The following PXDN variants were observed in gnomAD, a reference collection of about 807,000 sequenced individuals.
PXDN encodes the protein peroxidasin homolog.
A neutral mutation model predicts 140.3 loss-of-function variants in PXDN; 77 were observed. That is an observed-to-expected ratio of 0.55 (90% CI 0.46 to 0.66). The LOEUF (loss-of-function observed/expected upper bound fraction) is 0.66. Among genes scored for constraint, PXDN ranks in the 30% least tolerant of loss-of-function variants. The pLI is 0.00. For missense variants in PXDN, 1,838 were observed against 2,039.5 expected, an observed-to-expected ratio of 0.90 and a Z score of 1.90; for synonymous variants, 911 against 857.4, an observed-to-expected ratio of 1.06 and a Z score of -1.09.
rs1390544231 is a variant in PXDN at position 1,692,090 on chromosome 2, C to G, written c.273-91G>C. 3.2e-6 allele frequency: 3 copies of G among 928,394 alleles called. No homozygotes were observed. In the East Asian group the frequency reaches 8.0e-5, roughly 25 times the overall value. 57.5% of individuals were successfully genotyped at this position (928,394 alleles called of 1,614,324 possible). A position where few individuals can be genotyped will look rare whatever the true frequency, so the allele number is the denominator to read the frequency against. ...ACATTCCGACAGCCTTGGAAAAGGT[C>G]ACATTGACAATTCAGTTACAGCCTC... On this transcript the variant is annotated intron_variant, in intron 2 of 22. Transcript: ENST00000252804.
Position 1,651,942 on chromosome 2 carries a change from G to C in PXDN, c.2104+1686C>G, listed in dbSNP as rs2125413888. Among the ~76,000 whole-genome samples, 1 of 152,342 alleles carries C rather than the reference G, an allele frequency of 6.6e-6. No individual in the cohort carries two copies. Among genetic ancestry groups the C allele is most frequent in the East Asian group, 1.9e-4 (1 of 5,176 alleles). The stretch of plus-strand genomic sequence containing the variant: ...CCCAGGACAATGACTGGCATAGAGG[G>C]TGTGCCCTGACAGGCAGGTGGAACG... On this transcript the variant is annotated intron_variant, in intron 16 of 22. Transcript: ENST00000252804. The surrounding 1 kb of genome is among the most constrained non-coding windows in gnomAD (Gnocchi z 4.4).
Position 1,680,334 on chromosome 2 carries a change from C to A in PXDN, c.589G>T (p.Asp197Tyr). 1 of 1,614,026 alleles carries A rather than the reference C, an allele frequency of 6.2e-7. No individual in the cohort carries two copies. Among genetic ancestry groups the A allele is most frequent in the Non-Finnish European group, 8.5e-7 (1 of 1,179,888 alleles). ...TCCGCCAACCACAGGATTTCACAGT[C>A]GCAGTGAAGTGTGTTTGAGTCCAGT... ...LRLDSNTLHCDCEILWLADLL... is the reference protein window; with the variant it reads ...LRLDSNTLHCYCEILWLADLL... The change falls in exon 7 of 23, where the codon GAC becomes TAC. Residue 197 changes from aspartate (D) to tyrosine (Y), a missense_variant. Physicochemically the swap from Asp to Tyr is radical, Grantham distance 160. Coordinates refer to ENST00000252804, the MANE Select transcript of PXDN (RefSeq NM_012293.3).
chr2:1,731,357 C>T (rs965293747), intron 1 of PXDN, among the ~76,000 whole-genome samples: 1 of 85,230 alleles, frequency 1.2e-5, no homozygotes, highest in Non-Finnish European at 2.5e-5. Context: ...AGCTGACCTC[C>T]GCATCCCAGC....
chr2:1,671,736 T>C (rs1683582281), intron 9 of PXDN, among the ~76,000 whole-genome samples: 1 of 152,230 alleles, frequency 6.6e-6, no homozygotes, highest in South Asian at 2.1e-4. Context: ...CCTATTACTA[T>C]ATATTATTAC....
At chr2:1,733,748 C>CAAA (rs72208257) in intron 1 of PXDN, among the ~76,000 whole-genome samples, 32,496 of 78,664 alleles carry the variant, frequency 0.41, 7,634 homozygotes, top group Admixed American at 0.53. Context: ...TGTCAAATGA[C>CAAA]AAAAAAAAAA....
intron 1 of PXDN, among the ~76,000 whole-genome samples, chr2:1,730,883 G>A (rs937635434): frequency 1.3e-5 from 2 of 152,142 alleles, no homozygotes; most frequent in East Asian, 1.9e-4. Flanking sequence ...ATCACACTGG[G>A]CCATGATGCA....
Position 1,648,037 on chromosome 2 carries a change from T to G in PXDN, c.3608+135A>C. 1 of 1,274,600 alleles carries G rather than the reference T, an allele frequency of 7.8e-7. No homozygotes were observed. Among genetic ancestry groups the G allele is most frequent in the East Asian group, 2.3e-5 (1 of 42,886 alleles). The allele number at this position is 1,274,600 out of a possible 1,614,324, so 79.0% of individuals were successfully genotyped here. A position where few individuals can be genotyped will look rare whatever the true frequency, so the allele number is the denominator to read the frequency against. ...CTGCAGGTTCCCATCTTGACCTTCA[T>G]GGACTTGACCTTCATCTCACCTCTG... On this transcript the variant is annotated intron_variant, in intron 17 of 22. Coordinates refer to ENST00000252804, the MANE Select transcript of PXDN (RefSeq NM_012293.3). The surrounding 1 kb of genome is among the most constrained non-coding windows in gnomAD (Gnocchi z 8.9).
At chr2:1,727,766 T>G (rs1209566163) in intron 1 of PXDN, among the ~76,000 whole-genome samples, 1 of 152,212 alleles carries the variant, frequency 6.6e-6, no homozygotes, top group Non-Finnish European at 1.5e-5. Context: ...CAGCAGGGCC[T>G]CCACGTGGCG....
chr2:1,687,998 T>C lies in PXDN; in HGVS notation c.345-295A>G, dbSNP rs1177764784. ...GGCTAATGAATTGCTGACAATACAT[T>C]TGCTTCAAAGCCTGAAGAAGATAAA... On this transcript the variant is annotated intron_variant, in intron 3 of 22. Transcript: ENST00000252804. The surrounding 1 kb of genome is among the most constrained non-coding windows in gnomAD (Gnocchi z 4.0). Among the ~76,000 whole-genome samples the C allele has an allele frequency of 6.6e-6, 1 of 152,174 alleles. No individual in the cohort carries two copies. Among genetic ancestry groups the C allele is most frequent in the Non-Finnish European group, 1.5e-5 (1 of 68,032 alleles).
intron 11 of PXDN, chr2:1,664,317 G>T (rs575462415): frequency 6.4e-6 from 1 of 156,580 alleles, no homozygotes; most frequent in African/African-American, 2.4e-5. Context: ...ATGTCTCAGG[G>T]TCACTGCTTG....
chr2:1,709,679 C>G (rs11684180), intron 1 of PXDN, among the ~76,000 whole-genome samples: 60,897 of 152,166 alleles, frequency 0.4, 12,987 homozygotes, highest in Middle Eastern at 0.5. Flanking sequence ...CTGTCACCCC[C>G]ACGCGGTGGT....
At chr2:1,731,152 G>GCGCGCACA (rs1553371240) in intron 1 of PXDN, among the ~76,000 whole-genome samples, 4 of 135,968 alleles carry the variant, frequency 2.9e-5, no homozygotes, top group African/African-American at 8.3e-5. Context: ...GAGCGCGCGC[G>GCGCGCACA]CACACACACA....
chr2:1,728,033 T>A (rs1014576102), intron 1 of PXDN, among the ~76,000 whole-genome samples: 2 of 152,150 alleles, frequency 1.3e-5, no homozygotes, highest in Admixed American at 6.5e-5. Context: ...CCTCCGAGGC[T>A]CAAGCAATCC....
intron 1 of PXDN, among the ~76,000 whole-genome samples, chr2:1,729,633 AC>A (rs765483547): frequency 2.0e-5 from 3 of 152,132 alleles, no homozygotes; most frequent in Non-Finnish European, 4.4e-5. Context: ...TGATGGGTGC[AC>A]CCAAATCTCA....
intron 3 of PXDN, among the ~76,000 whole-genome samples, chr2:1,689,009 T>TA (rs1308185851): frequency 2.6e-5 from 4 of 152,048 alleles, no homozygotes. Flanking sequence ...GCTGACCTCA[T>TA]AAAGAGTTAC....
intron 1 of PXDN, among the ~76,000 whole-genome samples, chr2:1,734,586 C>T (rs576534898): frequency 5.3e-5 from 8 of 152,264 alleles, no homozygotes; most frequent in East Asian, 3.9e-4. Context: ...TGAAGTCAAT[C>T]GGCCAGGCAT....
At position 1,677,058 on chromosome 2, in the gene PXDN, G is replaced by C; in HGVS notation, c.731-14C>G. On this transcript the variant is annotated splice_polypyrimidine_tract_variant and intron_variant, in intron 7 of 22. Coordinates refer to ENST00000252804, the MANE Select transcript of PXDN (RefSeq NM_012293.3). The stretch of plus-strand genomic sequence containing the variant: ...TCCGGGGCCTTTCTGTGCCCAACCA[G>C]AAAATGGAAACCTTTTTAGTCTAAA... 6.4e-7 allele frequency: 1 copy of C among 1,570,310 alleles called. No individual in the cohort carries two copies. The highest frequency in any genetic ancestry group is 8.7e-7 in the Non-Finnish European group (1 of 1,153,284).
intron 1 of PXDN, among the ~76,000 whole-genome samples, chr2:1,701,861 G>C (rs1196245031): frequency 6.6e-6 from 1 of 152,172 alleles, no homozygotes; most frequent in Admixed American, 6.5e-5. Context: ...GTCTTGTCCT[G>C]TCCACAATGT....
chr2:1,708,544 G>A (rs1684675226), intron 1 of PXDN, among the ~76,000 whole-genome samples: 1 of 152,170 alleles, frequency 6.6e-6, no homozygotes, highest in African/African-American at 2.4e-5. Flanking sequence ...AGAAACAGAG[G>A]CCGGGGAGGT....
Sources: allele counts gnomAD v4.1 joint callset (sites outside exome capture counted in the v4.1 genomes callset), GRCh38; gene constraint gnomAD v4.1.1; non-coding constraint Gnocchi (gnomAD v3.1); transcripts MANE v1.5; gene names NCBI Gene and HGNC (gene_info 2026-07-23, HGNC 2026-07-21).